The following RIC1 variants were observed in gnomAD, a reference collection of about 807,000 sequenced individuals.
RIC1 encodes the protein guanine nucleotide exchange factor subunit RIC1.
A neutral mutation model predicts 169.0 loss-of-function variants in RIC1; 88 were observed. The observed-to-expected ratio is 0.52, with a 90% CI of 0.44 to 0.62. RIC1 has a LOEUF of 0.62. RIC1 is among the 20% of genes least tolerant of loss of function. RIC1 has a pLI of 0.00. For missense variants in RIC1, 1,877 were observed against 1,725.5 expected, an observed-to-expected ratio of 1.09 and a Z score of -1.56; for synonymous variants, 790 against 601.5, an observed-to-expected ratio of 1.31 and a Z score of -4.59.
In RIC1 at chr9:5,637,680, G is replaced by A. The variant is rs138969228; in HGVS notation, c.144+8227G>A. On this transcript the variant is annotated intron_variant, in intron 1 of 25. Transcript: ENST00000414202. ...ACCATTAGTTCAATTGTTTTGATTT[G>A]TAGATCCCACAAATAAGTGAGAACA... Among the ~76,000 whole-genome samples the A allele has an allele frequency of 7.2e-4, 110 of 151,982 alleles. 1 individual carries two copies. Among genetic ancestry groups the A allele is most frequent in the East Asian group, 7.1e-3 (37 of 5,180 alleles).
chr9:5,681,619 G>A (rs111313855), intron 2 of RIC1, among the ~76,000 whole-genome samples: 5 of 152,216 alleles, frequency 3.3e-5, no homozygotes, highest in African/African-American at 9.6e-5. Flanking sequence ...TGTATATTCT[G>A]TTGATTTGGG....
intron 1 of RIC1, among the ~76,000 whole-genome samples, chr9:5,645,765 A>T (rs536553112): frequency 3.5e-4 from 54 of 152,296 alleles, no homozygotes; most frequent in African/African-American, 1.2e-3. Flanking sequence ...TCCATTGTAT[A>T]TGTACATACT....
chr9:5,694,129 A>C (rs537477137), intron 3 of RIC1, among the ~76,000 whole-genome samples: 2 of 152,326 alleles, frequency 1.3e-5, no homozygotes, highest in African/African-American at 2.4e-5. Flanking sequence ...GAAGAAGAGC[A>C]TAGCTACCTG....
intron 2 of RIC1, among the ~76,000 whole-genome samples, chr9:5,680,242 C>G (rs1221028359): frequency 6.6e-6 from 1 of 152,176 alleles, no homozygotes; most frequent in African/African-American, 2.4e-5. Context: ...ATTCAGTTTG[C>G]CAGTATTTTA....
At chr9:5,631,283 A>G (rs1472767964) in intron 1 of RIC1, among the ~76,000 whole-genome samples, 2 of 152,198 alleles carry the variant, frequency 1.3e-5, no homozygotes, top group Non-Finnish European at 2.9e-5. Flanking sequence ...ACAGAAGTCC[A>G]GGGACCCCTA....
Position 5,763,506 on chromosome 9 carries a change from T to C in RIC1, c.2479T>C (p.Tyr827His). 1 of 1,614,204 alleles carries C rather than the reference T, an allele frequency of 6.2e-7. No homozygotes were observed. The highest frequency in any genetic ancestry group is 8.5e-7 in the Non-Finnish European group (1 of 1,180,030). The change falls in exon 19 of 26, where the codon TAC (tyrosine) becomes CAC (histidine). Residue 827 changes from tyrosine to histidine, a missense_variant. Coordinates refer to ENST00000414202, the MANE Select transcript of RIC1 (RefSeq NM_020829.4). This position sits in a 1 kb window ranked among gnomAD's most constrained non-coding sequence, Gnocchi z 5.2. ...TGTTGTGGAGAGAACCTCTCAGATC[T>C]ACCTCCACCACATTCTACGTCAACT... is the stretch of plus-strand genomic sequence containing the variant. ...FCVVERTSQIYLHHILRQLLV... is the reference protein window; with the variant it reads ...FCVVERTSQIHLHHILRQLLV...
At chr9:5,728,389 G>A (rs1426534176) in intron 6 of RIC1, among the ~76,000 whole-genome samples, 1 of 152,218 alleles carries the variant, frequency 6.6e-6, no homozygotes, top group Non-Finnish European at 1.5e-5. Context: ...AAGACCATTG[G>A]AAAAGCGCAG....
intron 3 of RIC1, among the ~76,000 whole-genome samples, chr9:5,700,093 C>G (rs1189341066): frequency 6.6e-6 from 1 of 151,886 alleles, no homozygotes; most frequent in Non-Finnish European, 1.5e-5. Flanking sequence ...CCCAACCCCA[C>G]CAAGTTTCCT....
intron 1 of RIC1, among the ~76,000 whole-genome samples, chr9:5,651,308 G>T (rs1468410115): frequency 3.3e-5 from 5 of 151,914 alleles, no homozygotes; most frequent in African/African-American, 1.2e-4. Flanking sequence ...CTAAATTCCA[G>T]TGTTGTGTCT....
Position 5,756,299 on chromosome 9 carries a change from T to G in RIC1, c.1780T>G (p.Phe594Val). Reference protein sequence around the residue: ...AQAETLLLSVFQDMVIVFRAD... With the variant: ...AQAETLLLSVVQDMVIVFRAD... ...AGCAGAAACATTACTGCTTAGTGTC[T>G]TCCAGGACATGGTAATAGTATTTAG... Residue 594 changes from phenylalanine to valine, a missense_variant, in exon 16 of 26, where the codon TTC becomes GTC. Phe to Val is a conservative substitution (Grantham distance 50, BLOSUM62 -1). This residue lies in a region of RIC1 where 1,104 missense variants were observed against 992.0 expected (regional missense o/e 1.11). Coordinates refer to ENST00000414202, the MANE Select transcript of RIC1 (RefSeq NM_020829.4). 2 of 1,604,358 alleles carry G rather than the reference T, an allele frequency of 1.2e-6. No homozygotes were observed. Among genetic ancestry groups the G allele is most frequent in the Non-Finnish European group, 1.7e-6 (2 of 1,173,998 alleles).
intron 2 of RIC1, among the ~76,000 whole-genome samples, chr9:5,670,189 T>C (rs1438030631): frequency 6.6e-6 from 1 of 152,230 alleles, no homozygotes; most frequent in Middle Eastern, 3.2e-3. Context: ...AGATGTCTTG[T>C]GGGAAAAATT....
At chr9:5,768,038 T>G (rs1039113559) in intron 21 of RIC1, among the ~76,000 whole-genome samples, 2 of 152,224 alleles carry the variant, frequency 1.3e-5, no homozygotes, top group Admixed American at 1.3e-4. Context: ...TTAGTTATGT[T>G]CACACAACAA....
intron 10 of RIC1, among the ~76,000 whole-genome samples, chr9:5,744,045 A>G (rs1250714709): frequency 7.5e-6 from 1 of 133,488 alleles, no homozygotes; most frequent in Admixed American, 7.6e-5. Context: ...TGTTGATCTG[A>G]TAAAATCACA....
At chr9:5,723,739 G>C (rs1420142523) in intron 6 of RIC1, among the ~76,000 whole-genome samples, 1 of 152,136 alleles carries the variant, frequency 6.6e-6, no homozygotes, top group African/African-American at 2.4e-5. Context: ...TTTTGTATAA[G>C]GTGTAAGGAA....
intron 1 of RIC1, among the ~76,000 whole-genome samples, chr9:5,639,931 C>A (rs775498129): frequency 2.6e-5 from 4 of 152,098 alleles, no homozygotes; most frequent in Non-Finnish European, 5.9e-5. Context: ...ATATCTTTTT[C>A]ATCCCCTTAT....
At chr9:5,748,200 T>C (rs1825503762) in intron 12 of RIC1, among the ~76,000 whole-genome samples, 1 of 152,222 alleles carries the variant, frequency 6.6e-6, no homozygotes, top group Non-Finnish European at 1.5e-5. Context: ...GACTGTTTTC[T>C]TTCCCTTTTT....
Position 5,765,557 on chromosome 9 carries a change from C to G in RIC1, c.2985C>G (p.Ser995=), listed in dbSNP as rs761699818. 3 of 1,611,188 alleles carry G rather than the reference C, an allele frequency of 1.9e-6. No individual in the cohort carries two copies. The South Asian group carries it at 3.3e-5, about 18-fold the overall frequency. ...IGSGESETPP[S]TPTAQEPSSS... ...CTGGAGAATCTGAGACACCTCCATCCACACCCACAGCTCAGGTTAGTTGCA... is the reference window on the plus strand; with the variant it reads ...CTGGAGAATCTGAGACACCTCCATCGACACCCACAGCTCAGGTTAGTTGCA... The change falls in exon 20 of 26, where the codon TCC becomes TCG. Residue 995 remains serine (S), a synonymous_variant. Transcript: ENST00000414202.
At chr9:5,750,195 A>T (rs1254695922) in intron 12 of RIC1, among the ~76,000 whole-genome samples, 2 of 151,888 alleles carry the variant, frequency 1.3e-5, no homozygotes, top group Non-Finnish European at 2.9e-5. Context: ...TTGAAATTTT[A>T]CAGAACACAA....
At chr9:5,690,908 A>G (rs990410125) in intron 3 of RIC1, among the ~76,000 whole-genome samples, 13 of 151,968 alleles carry the variant, frequency 8.6e-5, no homozygotes, top group Non-Finnish European at 1.8e-4. Flanking sequence ...CTCAAGAGAA[A>G]GTATTTAGAC....
Sources: allele counts gnomAD v4.1 joint callset (sites outside exome capture counted in the v4.1 genomes callset), GRCh38; gene constraint gnomAD v4.1.1; regional missense constraint gnomAD v4.1.1; non-coding constraint Gnocchi (gnomAD v3.1); transcripts MANE v1.5; gene names NCBI Gene and HGNC (gene_info 2026-07-23, HGNC 2026-07-21).